ZNF606: variants seen among roughly 807,000 people sequenced by gnomAD.
ZNF606 encodes zinc finger protein 606.
In ZNF606, 37 loss-of-function variants were observed where a neutral mutation model predicts 74.9. That is an observed-to-expected ratio of 0.49 (90% CI 0.38 to 0.65). ZNF606 has a LOEUF of 0.65. Ranked by LOEUF, ZNF606 falls within the 30% of genes least tolerant of loss-of-function variation. The pLI, the probability that ZNF606 is intolerant of heterozygous loss-of-function variation, is 0.00. For synonymous variants in ZNF606, 328 were observed against 312.4 expected (o/e 1.05, Z -0.53); for missense variants, 852 against 952.9 (o/e 0.89, Z 1.39).
Position 58,002,717 on chromosome 19 carries a change from G to A in ZNF606, c.-373C>T, listed in dbSNP as rs2073460182. ...CACCCTGACGCCGCCTCTCCCAGCC[G>A]GCTCTCCTGACCCCCCAAGCCCCGC... On this transcript the variant is annotated 5_prime_UTR_variant, in exon 1 of 7. Coordinates refer to ENST00000551380, the MANE Select transcript of ZNF606 (RefSeq NM_001348022.3). 1 of 447,324 alleles carries A rather than the reference G, an allele frequency of 2.2e-6. No homozygotes were observed. Among genetic ancestry groups the A allele is most frequent in the Non-Finnish European group, 4.5e-6 (1 of 223,554 alleles). The allele number at this position is 447,324 out of a possible 1,614,324, so 27.7% of individuals were successfully genotyped here.
intron 2 of ZNF606, 148 bp from the exon 3 acceptor site, chr19:58,000,887 G>T: frequency 1.5e-6 from 1 of 679,110 alleles, no homozygotes; most frequent in Non-Finnish European, 2.4e-6. Flanking sequence ...ACATAAGCTG[G>T]ATTCACACAG....
At chr19:57,985,867 G>C (rs1357922164) in intron 6 of ZNF606, among the ~76,000 whole-genome samples, 1 of 152,028 alleles carries the variant, frequency 6.6e-6, no homozygotes, top group African/African-American at 2.4e-5. Flanking sequence ...CCAGGAGGCA[G>C]AGGCTGCAGT....
At chr19:58,000,456 A>G (rs2073404480) in intron 3 of ZNF606, 1 of 622,332 alleles carries the variant, frequency 1.6e-6, no homozygotes, top group Non-Finnish European at 2.9e-6. Flanking sequence ...CGATCTCCTG[A>G]CCTCGTGATC....
rs749449163 is a variant in ZNF606, at chr19:57,999,849, C to T, written c.136G>A (p.Glu46Lys). ...GGGAGCCCAGTGGCCCTCCTCCCCTCCTCCAGGCTTCCCTCCACGTGCCAG... is the reference window on the plus strand; with the variant it reads ...GGGAGCCCAGTGGCCCTCCTCCCCTTCTCCAGGCTTCCCTCCACGTGCCAG... ...PAWHVEGSLE[E>K]GRRATGLPAA... Residue 46 changes from glutamate to lysine, a missense_variant, in exon 4 of 7, where the codon GAG (glutamate) becomes AAG (lysine). By Grantham distance (56) the Glu-to-Lys change is moderately conservative. Coordinates refer to ENST00000551380, the MANE Select transcript of ZNF606 (RefSeq NM_001348022.3). 1.2e-6 allele frequency: 2 copies of T among 1,613,988 alleles called. No homozygotes were observed. Among genetic ancestry groups the T allele is most frequent in the Admixed American group, 1.7e-5 (1 of 60,008 alleles).
intron 4 of ZNF606, among the ~76,000 whole-genome samples, chr19:57,996,387 G>A (rs1451455311): frequency 6.6e-6 from 1 of 152,180 alleles, no homozygotes; most frequent in Non-Finnish European, 1.5e-5. Flanking sequence ...TGTAATCTCA[G>A]CTACTCGGGA....
intron 4 of ZNF606, among the ~76,000 whole-genome samples, chr19:57,991,649 G>A (rs112027748): frequency 0.063 from 9,567 of 152,072 alleles, 404 homozygotes; most frequent in Middle Eastern, 0.095. Context: ...GCATGGTGGT[G>A]CACGCCTATA....
At chr19:57,997,858 C>T (rs984643820) in intron 4 of ZNF606, 8 of 152,172 alleles carry the variant, frequency 5.3e-5, no homozygotes, top group Non-Finnish European at 1.0e-4. Flanking sequence ...AGCAGCAAAC[C>T]TCATAGTTGC....
chr19:57,988,442 C>T (rs2073198403), intron 5 of ZNF606, 140 bp from the exon 6 acceptor site: 1 of 1,381,308 alleles, frequency 7.2e-7, no homozygotes, highest in African/African-American at 1.4e-5. Context: ...GCTCTTTAAG[C>T]ATTAGGAGTT....
intron 3 of ZNF606, 142 bp downstream of exon 3, chr19:58,000,541 G>C (rs1162648692): frequency 1.1e-6 from 1 of 925,526 alleles, no homozygotes; most frequent in African/African-American, 1.6e-5. Flanking sequence ...ATTCCTCCTT[G>C]TTCCAGCTCT....
At chr19:57,996,525 G>A (rs924925649) in intron 4 of ZNF606, among the ~76,000 whole-genome samples, 1 of 152,138 alleles carries the variant, frequency 6.6e-6, no homozygotes, top group Admixed American at 6.6e-5. Context: ...TAAATGGCTG[G>A]TAAGGGGACA....
intron 6 of ZNF606, among the ~76,000 whole-genome samples, chr19:57,985,851 T>C (rs896108296): frequency 6.6e-6 from 1 of 151,814 alleles, no homozygotes; most frequent in African/African-American, 2.4e-5. Flanking sequence ...GGACAATCGC[T>C]TGAACCCAGG....
At chr19:58,001,143 C>T in intron 2 of ZNF606, 146 bp downstream of exon 2, 4 of 935,442 alleles carry the variant, frequency 4.3e-6, no homozygotes, top group Non-Finnish European at 6.4e-6. Context: ...AATTTTCCTC[C>T]TTTACCACCA....
chr19:57,979,845 G>C lies in ZNF606; in HGVS notation c.835C>G (p.Pro279Ala). 6.2e-7 allele frequency: 1 copy of C among 1,613,472 alleles called. No individual in the cohort carries two copies. Among genetic ancestry groups the C allele is most frequent in the Non-Finnish European group, 8.5e-7 (1 of 1,179,972 alleles). Residue 279 changes from proline to alanine, a missense_variant, in exon 7 of 7, where the codon CCT becomes GCT. Coordinates refer to ENST00000551380, the MANE Select transcript of ZNF606 (RefSeq NM_001348022.3). ...TVYQSIQPIY[P>A]ARIQTGDNLF... The stretch of plus-strand genomic sequence containing the variant: ...TTATCTCCAGTTTGTATTCTTGCAG[G>C]GTAAATAGGTTGAATGGACTGATAA...
At chr19:57,996,450 A>C (rs556773217) in intron 4 of ZNF606, among the ~76,000 whole-genome samples, 63 of 152,238 alleles carry the variant, frequency 4.1e-4, no homozygotes, top group Non-Finnish European at 7.6e-4. Context: ...CATCAAGCCA[A>C]GATCGTCCCA....
At position 57,978,465 on chromosome 19, in the gene ZNF606, T is replaced by C. The variant is rs1183744559; in HGVS notation, c.2215A>G (p.Asn739Asp). Residue 739 changes from asparagine (N) to aspartate (D), a missense_variant, in exon 7 of 7, where the codon AAT becomes GAT. Around this residue, in one of 3 missense-constraint regions of ZNF606, gnomAD observed 243 missense variants for 359.2 expected, o/e 0.68. Transcript: ENST00000551380. This position sits in a 1 kb window ranked among gnomAD's most constrained non-coding sequence, Gnocchi z 4.4. ...NHTGEKPYKC[N>D]HCEKAFCKNS... The stretch of plus-strand genomic sequence containing the variant: ...TTACAAAATGCTTTTTCACAATGAT[T>C]ACATTTGTAGGGCTTTTCTCCAGTA... The C allele has an allele frequency of 1.2e-6, 2 of 1,613,988 alleles. No homozygotes were observed. The highest frequency in any genetic ancestry group is 3.3e-5 in the Admixed American group (2 of 60,026).
chr19:57,991,403 T>A lies in ZNF606; in HGVS notation c.178-2682A>T, dbSNP rs370723347. On this transcript the variant is annotated intron_variant, in intron 4 of 6. Transcript: ENST00000551380. The stretch of plus-strand genomic sequence containing the variant: ...TCTATGAAACACTCCCCAACCCCCA[T>A]GGTCAATGACAACTTCTTGGTTTTC... Among the ~76,000 whole-genome samples, 8 of 152,292 alleles carry A rather than the reference T, an allele frequency of 5.3e-5. 1 individual carries two copies. Among genetic ancestry groups the A allele is most frequent in the African/African-American group, 1.7e-4 (7 of 41,574 alleles).
chr19:57,983,293 G>C (rs1313621504), intron 6 of ZNF606, among the ~76,000 whole-genome samples: 2 of 152,124 alleles, frequency 1.3e-5, no homozygotes, highest in African/African-American at 4.8e-5. Flanking sequence ...ATCACTCTGA[G>C]GTCGGGCATG....
intron 3 of ZNF606, 200 bp from the exon 4 acceptor site, chr19:58,000,096 C>A (rs539835439): frequency 5.2e-6 from 3 of 576,038 alleles, no homozygotes; most frequent in African/African-American, 1.9e-5. Flanking sequence ...ATTGGCCCCC[C>A]CTGTGCTATT....
intron 6 of ZNF606, among the ~76,000 whole-genome samples, chr19:57,981,496 TA>T (rs2073085308): frequency 6.6e-6 from 1 of 152,108 alleles, no homozygotes; most frequent in Non-Finnish European, 1.5e-5. Context: ...AAAAGTTAGG[TA>T]GATGAGCACA....
Sources: gnomAD v4.1 joint callset for allele counts (sites outside exome capture counted in the v4.1 genomes callset) on GRCh38, gnomAD v4.1.1 for gene constraint, gnomAD v4.1.1 regional missense constraint, Gnocchi (gnomAD v3.1) non-coding constraint, MANE v1.5 for transcripts, NCBI Gene and HGNC (gene_info 2026-07-23, HGNC 2026-07-21) for gene names.